The following SLC35F3 variants were observed in gnomAD, a reference collection of about 807,000 sequenced individuals.
The protein encoded by SLC35F3 is putative thiamine transporter SLC35F3.
Under a neutral mutation model 49.9 loss-of-function variants are expected in SLC35F3, and 25 were observed. The observed-to-expected ratio is 0.50, with a 90% CI of 0.37 to 0.70. The LOEUF (loss-of-function observed/expected upper bound fraction) is 0.70, where lower values mean the gene tolerates loss of function less well. Ranked by LOEUF, SLC35F3 falls within the 30% of genes least tolerant of loss-of-function variation. The probability of loss-of-function intolerance (pLI) is 0.00; values close to 1 mark genes in which losing one functional copy is unlikely to be tolerated. For missense variants in SLC35F3, 525 were observed against 639.8 expected (o/e 0.82, Z 1.94); for synonymous variants, 275 against 265.4 (o/e 1.04, Z -0.35).
At chr1:233,948,688 A>G (rs1051861607) in intron 2 of SLC35F3, among the ~76,000 whole-genome samples, 4 of 151,590 alleles carry the variant, frequency 2.6e-5, no homozygotes, top group Non-Finnish European at 5.9e-5. Flanking sequence ...CATTAGGTAT[A>G]TCTCCCAATG....
At chr1:234,083,565 T>C (rs915304858) in intron 2 of SLC35F3, among the ~76,000 whole-genome samples, 3 of 152,210 alleles carry the variant, frequency 2.0e-5, no homozygotes, top group Non-Finnish European at 4.4e-5. Flanking sequence ...CTGAGTACCT[T>C]CTGCACCCTC....
chr1:234,297,676 T>G (rs1381907938), intron 3 of SLC35F3, among the ~76,000 whole-genome samples: 1 of 151,148 alleles, frequency 6.6e-6, no homozygotes, highest in African/African-American at 2.4e-5. Context: ...CCCTGGAGAT[T>G]GAGGCTGCAG....
At chr1:234,248,760 A>G (rs1258144352) in intron 3 of SLC35F3, among the ~76,000 whole-genome samples, 2 of 152,246 alleles carry the variant, frequency 1.3e-5, no homozygotes, top group Non-Finnish European at 2.9e-5. Flanking sequence ...TGTTCCTGCC[A>G]GAAGCACCAT....
intron 2 of SLC35F3, among the ~76,000 whole-genome samples, chr1:234,164,986 G>A (rs1193088554): frequency 6.6e-6 from 1 of 150,394 alleles, no homozygotes; most frequent in Non-Finnish European, 1.5e-5. Context: ...GGACTGCTTT[G>A]GTGAAAGGGC....
In SLC35F3 at chr1:233,924,222, A is replaced by C. The variant is rs984358571; in HGVS notation, c.283+18464A>C. 2.6e-5 allele frequency among the ~76,000 whole-genome samples: 4 copies of C among 152,256 alleles called. No homozygotes were observed. In the East Asian group the frequency reaches 7.7e-4, roughly 29 times the overall value. On this transcript the variant is annotated intron_variant, in intron 2 of 7. Coordinates refer to ENST00000366618, the MANE Select transcript of SLC35F3 (RefSeq NM_173508.4). ...TGGAATAGTTTTAGAAGGAATGGTA[A>C]CAGCTCCTCTTTGTACCTCTGGTAG...
At chr1:233,939,779 T>G (rs1345177220) in intron 2 of SLC35F3, among the ~76,000 whole-genome samples, 1 of 152,156 alleles carries the variant, frequency 6.6e-6, no homozygotes, top group Admixed American at 6.5e-5. Context: ...TTTAGGAGAA[T>G]GGTTCACTTA....
intron 3 of SLC35F3, among the ~76,000 whole-genome samples, chr1:234,306,705 T>C (rs1657196507): frequency 6.6e-6 from 1 of 152,030 alleles, no homozygotes. Context: ...ATCCCCACTC[T>C]CTCCCCATTT....
chr1:234,038,166 A>G (rs890378860), intron 2 of SLC35F3, among the ~76,000 whole-genome samples: 17 of 128,070 alleles, frequency 1.3e-4, no homozygotes, highest in African/African-American at 4.5e-4. Flanking sequence ...TCCTGTGTCC[A>G]TGTGTTCTCA....
At chr1:233,909,219 A>G (rs1327913553) in intron 2 of SLC35F3, among the ~76,000 whole-genome samples, 2 of 151,816 alleles carry the variant, frequency 1.3e-5, no homozygotes, top group Non-Finnish European at 2.9e-5. Flanking sequence ...TTTGTGAAAC[A>G]TTCAACTGAG....
At chr1:233,969,060 T>TGC (rs1553292586) in intron 2 of SLC35F3, among the ~76,000 whole-genome samples, 3 of 145,618 alleles carry the variant, frequency 2.1e-5, no homozygotes, top group African/African-American at 7.7e-5. Context: ...TGACATATTT[T>TGC]GGGGGGGGGG....
At chr1:234,080,215 G>C (rs1041396039) in intron 2 of SLC35F3, among the ~76,000 whole-genome samples, 3 of 152,168 alleles carry the variant, frequency 2.0e-5, no homozygotes, top group African/African-American at 4.8e-5. Flanking sequence ...GTTGGAGTTT[G>C]GGGGAGCTTC....
At chr1:234,169,758 CTGTTTTGTTT>C (rs112663821) in intron 2 of SLC35F3, among the ~76,000 whole-genome samples, 1 of 151,990 alleles carries the variant, frequency 6.6e-6, no homozygotes, top group Non-Finnish European at 1.5e-5. Context: ...AGGGGAACAT[CTGTTTTGTTT>C]TGTTTTGTTT....
chr1:234,204,677 G>T (rs931984681), intron 2 of SLC35F3, among the ~76,000 whole-genome samples: 5 of 152,144 alleles, frequency 3.3e-5, no homozygotes, highest in African/African-American at 1.2e-4. Context: ...AAACCCTGCC[G>T]GGAACTCTAG....
chr1:234,277,820 C>T (rs1439625213), intron 3 of SLC35F3, among the ~76,000 whole-genome samples: 1 of 152,180 alleles, frequency 6.6e-6, no homozygotes, highest in Non-Finnish European at 1.5e-5. Context: ...GCAAACGACA[C>T]TGCGAAATGA....
chr1:234,311,986 A>C (rs1657367652), intron 4 of SLC35F3, among the ~76,000 whole-genome samples: 1 of 152,260 alleles, frequency 6.6e-6, no homozygotes, highest in Non-Finnish European at 1.5e-5. Context: ...TGCCTCACAC[A>C]TAAAACTCAA....
At chr1:234,036,864 C>T (rs1664151188) in intron 2 of SLC35F3, among the ~76,000 whole-genome samples, 1 of 152,182 alleles carries the variant, frequency 6.6e-6, no homozygotes. Context: ...TTCCCCACTG[C>T]TGGGTCTAGG....
intron 2 of SLC35F3, among the ~76,000 whole-genome samples, chr1:233,999,140 A>G (rs1255866438): frequency 1.3e-5 from 2 of 152,196 alleles, no homozygotes; most frequent in African/African-American, 4.8e-5. Flanking sequence ...GACAGGACAG[A>G]TGCAACCCAG....
chr1:234,288,694 CA>C (rs1201100531), intron 3 of SLC35F3, among the ~76,000 whole-genome samples: 2 of 152,184 alleles, frequency 1.3e-5, no homozygotes, highest in Non-Finnish European at 2.9e-5. Context: ...CACAGTTTCA[CA>C]AAGTTGCTAT....
At chr1:233,965,880 A>T (rs57380514) in intron 2 of SLC35F3, among the ~76,000 whole-genome samples, 11,470 of 152,300 alleles carry the variant, frequency 0.075, 628 homozygotes, top group East Asian at 0.22. Context: ...AAACTAATAC[A>T]TTTATGAATC....
Sources: allele counts gnomAD v4.1 joint callset (sites outside exome capture counted in the v4.1 genomes callset), GRCh38; gene constraint gnomAD v4.1.1; transcripts MANE v1.5; gene names NCBI Gene and HGNC (gene_info 2026-07-23, HGNC 2026-07-21).